NAALADL2: variants seen among roughly 807,000 people sequenced by gnomAD.
NAALADL2 encodes N-acetylated alpha-linked acidic dipeptidase like 2, also known as inactive N-acetylated-alpha-linked acidic dipeptidase-like protein 2.
In NAALADL2, 76 loss-of-function variants were observed where a neutral mutation model predicts 87.2. The observed-to-expected ratio is 0.87, with a 90% CI of 0.72 to 1.05. The LOEUF is 1.05. Ranked by LOEUF, NAALADL2 falls within the 50% of genes least tolerant of loss-of-function variation. The pLI, the probability that NAALADL2 is intolerant of heterozygous loss-of-function variation, is 0.00. For missense variants in NAALADL2, 1,089 were observed against 945.8 expected (o/e 1.15, Z -1.99); for synonymous variants, 354 against 331.0 (o/e 1.07, Z -0.75).
intron 2 of NAALADL2, among the ~76,000 whole-genome samples, chr3:175,105,581 CACAT>C (rs1200469511): frequency 1.4e-5 from 2 of 147,334 alleles, no homozygotes; most frequent in Non-Finnish European, 3.0e-5. Flanking sequence ...CATACACACA[CACAT>C]ACACAAATCC....
At chr3:175,618,336 T>C (rs975067669) in intron 10 of NAALADL2, among the ~76,000 whole-genome samples, 2 of 152,012 alleles carry the variant, frequency 1.3e-5, no homozygotes, top group Non-Finnish European at 2.9e-5. Context: ...ATTTCTAGGA[T>C]CAGACAAGCT....
chr3:175,716,538 G>A (rs1307666881), intron 11 of NAALADL2, among the ~76,000 whole-genome samples: 1 of 151,996 alleles, frequency 6.6e-6, no homozygotes, highest in East Asian at 1.9e-4. Flanking sequence ...GGATGAGAAT[G>A]AGTCAGCTCT....
intron 5 of NAALADL2, among the ~76,000 whole-genome samples, chr3:175,415,818 AAAAAAAAAATTC>A (rs1237031402): frequency 4.6e-5 from 7 of 151,978 alleles, no homozygotes; most frequent in Non-Finnish European, 1.0e-4. Context: ...ATACATTAAA[AAAAAAAAAATTC>A]AGATTGGGTG....
chr3:174,743,356 T>C (rs1239666562), intron 3 of NAALADL2, among the ~76,000 whole-genome samples: 2 of 151,832 alleles, frequency 1.3e-5, no homozygotes, highest in Non-Finnish European at 3.0e-5. Context: ...GTGAAACCTC[T>C]CTGTTTCTGA....
chr3:174,758,293 A>G lies in NAALADL2; in HGVS notation c.-9+20547A>G, dbSNP rs544420459. Among the ~76,000 whole-genome samples the G allele has an allele frequency of 5.1e-4, 77 of 152,370 alleles. 2 individuals carry two copies. In the South Asian group the frequency reaches 0.016, roughly 31 times the overall value. On this transcript the variant is annotated intron_variant, in intron 3 of 3. Transcript: ENST00000434257. ...CAAGAAGGCAGCAGGATTTAGTGACAGGAGGTCAGATGTTTGGAACCCTGT... is the reference window on the plus strand; with the variant it reads ...CAAGAAGGCAGCAGGATTTAGTGACGGGAGGTCAGATGTTTGGAACCCTGT...
chr3:174,632,080 A>G (rs1437420084), intron 2 of NAALADL2: 1 of 152,228 alleles, frequency 6.6e-6, no homozygotes, highest in African/African-American at 2.4e-5. Flanking sequence ...AAAATAGACA[A>G]CCTTTGGTTG....
rs116819401 is a variant in NAALADL2, at chr3:175,396,142, C to G, written c.1091-51087C>G. Among the ~76,000 whole-genome samples, 592 of 152,176 alleles carry G rather than the reference C, an allele frequency of 3.9e-3. 2 individuals carry two copies. The highest frequency in any genetic ancestry group is 6.8e-3 in the East Asian group (35 of 5,164). ...TGACAAATATCTTTCAGTCCATGAC[C>G]GTCTTCCTAGGTAACCATATATAGT... On this transcript the variant is annotated intron_variant, in intron 5 of 13. Coordinates refer to ENST00000454872, the MANE Select transcript of NAALADL2 (RefSeq NM_207015.3).
chr3:175,212,799 CAA>C (rs948743661), intron 2 of NAALADL2, among the ~76,000 whole-genome samples: 3 of 152,044 alleles, frequency 2.0e-5, no homozygotes, highest in African/African-American at 7.2e-5. Context: ...AAAGAAATAA[CAA>C]AAGAGTTGCT....
intron 13 of NAALADL2, among the ~76,000 whole-genome samples, chr3:175,785,345 CTT>C (rs1751779080): frequency 6.8e-6 from 1 of 146,892 alleles, no homozygotes; most frequent in East Asian, 2.0e-4. Context: ...GTCTAAGTCT[CTT>C]TGTAGGTCAC....
chr3:175,013,192 A>AATACATATT (rs1560475609), intron 1 of NAALADL2, among the ~76,000 whole-genome samples: 5 of 65,912 alleles, frequency 7.6e-5, no homozygotes, highest in East Asian at 4.6e-4. Flanking sequence ...ATATAAATAT[A>AATACATATT]TATACATAAA....
chr3:175,187,129 T>A (rs531994764), intron 2 of NAALADL2, among the ~76,000 whole-genome samples: 2 of 152,280 alleles, frequency 1.3e-5, no homozygotes, highest in Non-Finnish European at 2.9e-5. Context: ...GGGGAGGGAT[T>A]CCTACATTTT....
intron 3 of NAALADL2, among the ~76,000 whole-genome samples, chr3:174,774,190 G>T (rs1714927346): frequency 6.6e-6 from 1 of 152,086 alleles, no homozygotes; most frequent in Non-Finnish European, 1.5e-5. Context: ...ATAACCAATA[G>T]ATACTACCTT....
At chr3:175,530,350 C>T (rs1733934614) in intron 9 of NAALADL2, among the ~76,000 whole-genome samples, 1 of 152,180 alleles carries the variant, frequency 6.6e-6, no homozygotes, top group Admixed American at 6.5e-5. Flanking sequence ...ATGCTTCTTC[C>T]AAGTCACTGA....
intron 5 of NAALADL2, among the ~76,000 whole-genome samples, chr3:175,394,880 A>G (rs1769559650): frequency 6.6e-6 from 1 of 152,144 alleles, no homozygotes; most frequent in Non-Finnish European, 1.5e-5. Context: ...CCTTCTCACA[A>G]TTTGACAGAC....
At position 174,807,505 on chromosome 3, in the gene NAALADL2, T is replaced by A. The variant is rs140248025; in HGVS notation, c.-9+69759T>A. ...ATTCTTTTTCTGTTTTGCTTTTTCC[T>A]TGTACACATTTTTCTTTTGTAATTT... is the stretch of plus-strand genomic sequence containing the variant. On this transcript the variant is annotated intron_variant, in intron 3 of 3. Transcript: ENST00000434257. Among the ~76,000 whole-genome samples, 263 of 152,266 alleles carry A rather than the reference T, an allele frequency of 1.7e-3. 1 individual carries two copies. The highest frequency in any genetic ancestry group is 5.5e-3 in the African/African-American group (228 of 41,582).
chr3:175,050,251 C>A (rs1285464386), intron 1 of NAALADL2, among the ~76,000 whole-genome samples: 2 of 152,054 alleles, frequency 1.3e-5, no homozygotes, highest in African/African-American at 2.4e-5. Context: ...ATTGAATAAT[C>A]TTTATTATTT....
chr3:174,640,639 A>C lies in NAALADL2; in HGVS notation c.-115+90002A>C, dbSNP rs577864321. The stretch of plus-strand genomic sequence containing the variant: ...GACCAGAACCCTCAGGAAGGCTTGG[A>C]TAGAGCCAATCTGGCCAGGGTGTCT... On this transcript the variant is annotated intron_variant, in intron 2 of 3. Transcript: ENST00000434257. Among the ~76,000 whole-genome samples the C allele has an allele frequency of 9.8e-5, 15 of 152,312 alleles. No homozygotes were observed. In the South Asian group the frequency reaches 2.9e-3, roughly 29 times the overall value.
At chr3:175,731,633 A>C (rs1743765617) in intron 11 of NAALADL2, among the ~76,000 whole-genome samples, 2 of 152,208 alleles carry the variant, frequency 1.3e-5, no homozygotes. Flanking sequence ...AGGAGTATAC[A>C]AATCTTCCTC....
chr3:174,555,588 C>G (rs1447955034), intron 2 of NAALADL2, among the ~76,000 whole-genome samples: 3 of 152,208 alleles, frequency 2.0e-5, no homozygotes, highest in East Asian at 1.9e-4. Flanking sequence ...GCATGAGCCT[C>G]CGCGCCTGGC....
Sources: allele counts gnomAD v4.1 joint callset (sites outside exome capture counted in the v4.1 genomes callset), GRCh38; gene constraint gnomAD v4.1.1; transcripts MANE v1.5; gene names NCBI Gene and HGNC (gene_info 2026-07-23, HGNC 2026-07-21).